OSMR: variants seen among roughly 807,000 people sequenced by gnomAD.
OSMR encodes the protein oncostatin M receptor, also known as oncostatin-M-specific receptor subunit beta.
Under a neutral mutation model 99.9 loss-of-function variants are expected in OSMR, and 81 were observed. The ratio of observed to expected loss-of-function variants is 0.81; its 90% CI spans 0.68 to 0.97. The LOEUF (loss-of-function observed/expected upper bound fraction) is 0.97, where lower values mean the gene tolerates loss of function less well. Ranked by LOEUF, OSMR falls within the 50% of genes least tolerant of loss-of-function variation. OSMR has a pLI of 0.00. For missense variants in OSMR, 1,099 were observed against 1,153.4 expected (o/e 0.95, Z 0.68); for synonymous variants, 406 against 410.4 (o/e 0.99, Z 0.13).
rs374861159 is a variant in OSMR, at chr5:38,870,330, C to CTTT, written c.73+1230_73+1232dup. Among the ~76,000 whole-genome samples, 53 of 115,118 alleles carry CTTT rather than the reference C, an allele frequency of 4.6e-4. 2 individuals carry two copies. Among genetic ancestry groups the CTTT allele is most frequent in the African/African-American group, 1.3e-3 (38 of 29,642 alleles). 75.5% of individuals were successfully genotyped at this position (115,118 alleles called of 152,430 possible). ...CAAACCATATAATAAGAATGATTTT[C>CTTT]TTTTTTTTTTTTTTTTTTTGAGACA... On this transcript the variant is annotated intron_variant, in intron 2 of 17. Coordinates refer to ENST00000274276, the MANE Select transcript of OSMR (RefSeq NM_003999.3).
In OSMR at chr5:38,933,588, T is replaced by C; in HGVS notation, c.*144T>C. The stretch of plus-strand genomic sequence containing the variant: ...ATAAGACCACTACAGTCTGGCTAGG[T>C]TAAAGGCCAGAGGCTATGGAACTTA... On this transcript the variant is annotated 3_prime_UTR_variant, in exon 18 of 18. Transcript: ENST00000274276. The C allele has an allele frequency of 1.1e-6, 1 of 886,346 alleles. No homozygotes were observed. The highest frequency in any genetic ancestry group is 2.2e-4 in the Middle Eastern group (1 of 4,476). The allele number at this position is 886,346 out of a possible 1,614,324, so 54.9% of individuals were successfully genotyped here.
chr5:38,930,283 G>T (rs556952248), intron 15 of OSMR, among the ~76,000 whole-genome samples: 1 of 152,110 alleles, frequency 6.6e-6, no homozygotes, highest in South Asian at 2.1e-4. Flanking sequence ...CCTTTTCCAG[G>T]GTCAGGGTTA....
chr5:38,925,149 A>C, intron 14 of OSMR, 55 bp from the exon 15 acceptor site: 4 of 1,609,664 alleles, frequency 2.5e-6, no homozygotes, highest in Non-Finnish European at 3.4e-6. Flanking sequence ...TGTTTACAAC[A>C]CTTTTAATAA....
Position 38,926,322 on chromosome 5 carries a change from G to A in OSMR, c.2212+951G>A, listed in dbSNP as rs140771037. Reference sequence around the variant, plus strand: ...GCCCTGACTGGTGATTCAGATACACGTGGCTGCAGTGGCAGTGTATTAGTC... The same window carrying A: ...GCCCTGACTGGTGATTCAGATACACATGGCTGCAGTGGCAGTGTATTAGTC... On this transcript the variant is annotated intron_variant, in intron 15 of 17. Coordinates refer to ENST00000274276, the MANE Select transcript of OSMR (RefSeq NM_003999.3). Among the ~76,000 whole-genome samples, 341 of 152,300 alleles carry A rather than the reference G, an allele frequency of 2.2e-3. 1 individual carries two copies. Among genetic ancestry groups the A allele is most frequent in the African/African-American group, 7.7e-3 (320 of 41,568 alleles).
rs1272701605 is a variant in OSMR at position 38,919,363 on chromosome 5, A to C, written c.1585+301A>C. 4 of 1,354,262 alleles carry C rather than the reference A, an allele frequency of 3.0e-6. No homozygotes were observed. In the African/African-American group the frequency reaches 5.8e-5, roughly 20 times the overall value. The allele number at this position is 1,354,262 out of a possible 1,614,324, so 83.9% of individuals were successfully genotyped here. The stretch of plus-strand genomic sequence containing the variant: ...ACTGCAACCCTAACAAACAGTCACC[A>C]CTGAGAGTTGGAGTTACTATTTATG... On this transcript the variant is annotated intron_variant, in intron 11 of 17. Coordinates refer to ENST00000274276, the MANE Select transcript of OSMR (RefSeq NM_003999.3).
downstream of OSMR, chr5:38,940,248 T>G: frequency 4.4e-6 from 1 of 229,872 alleles, no homozygotes; most frequent in Non-Finnish European, 8.6e-6. Flanking sequence ...GGAGGGGGTG[T>G]GTGTGTGTGT....
intron 1 of OSMR, among the ~76,000 whole-genome samples, chr5:38,854,295 G>A (rs77281158): frequency 0.018 from 2,722 of 152,250 alleles, 71 homozygotes; most frequent in African/African-American, 0.054. Context: ...GCTTCTCATG[G>A]GCATTATTTG....
intron 7 of OSMR, among the ~76,000 whole-genome samples, chr5:38,890,043 TTG>T (rs1380802730): frequency 6.6e-6 from 1 of 152,246 alleles, no homozygotes; most frequent in Non-Finnish European, 1.5e-5. Context: ...ATGAATTAAT[TTG>T]TGTTTCAAAT....
At chr5:38,846,898 CT>C (rs1739881659) in intron 1 of OSMR, among the ~76,000 whole-genome samples, 2 of 152,336 alleles carry the variant, frequency 1.3e-5, no homozygotes, top group African/African-American at 4.8e-5. Context: ...GGCTTTACCC[CT>C]GACACCGCGA....
chr5:38,868,532 T>C (rs1742121241), intron 1 of OSMR, among the ~76,000 whole-genome samples: 1 of 152,222 alleles, frequency 6.6e-6, no homozygotes, highest in Non-Finnish European at 1.5e-5. Flanking sequence ...CTGATGGGCT[T>C]ATCAAGGTTT....
chr5:38,902,069 C>T (rs972674046), intron 7 of OSMR, among the ~76,000 whole-genome samples: 9 of 152,128 alleles, frequency 5.9e-5, no homozygotes, highest in Non-Finnish European at 1.3e-4. Flanking sequence ...GAGCCTTTTG[C>T]GACCAGCCAA....
chr5:38,862,235 G>A lies in OSMR; in HGVS notation c.-13-6797G>A, dbSNP rs867289349. ...CACCTCCCGGACGGGGCGGCTGGCT[G>A]GGCGGGGGGCTGACCCCCTACCTCC... On this transcript the variant is annotated intron_variant, in intron 1 of 17. Transcript: ENST00000274276. Among the ~76,000 whole-genome samples, 43 of 115,142 alleles carry A rather than the reference G, an allele frequency of 3.7e-4. 2 individuals are homozygous for A. Among genetic ancestry groups the A allele is most frequent in the Admixed American group, 3.1e-4 (4 of 12,750 alleles). The allele number at this position is 115,142 out of a possible 152,430, so 75.5% of individuals were successfully genotyped here.
chr5:38,903,162 G>A (rs890848941), intron 7 of OSMR, among the ~76,000 whole-genome samples: 9 of 152,202 alleles, frequency 5.9e-5, no homozygotes, highest in Non-Finnish European at 1.0e-4. Context: ...AACTGTCCGA[G>A]TCCAGTGAGA....
intron 15 of OSMR, among the ~76,000 whole-genome samples, chr5:38,930,670 G>A (rs2112695856): frequency 6.6e-6 from 1 of 152,302 alleles, no homozygotes; most frequent in East Asian, 1.9e-4. Flanking sequence ...TCTAATAACA[G>A]AGAGATACTC....
In OSMR at chr5:38,876,249, C is replaced by T. The variant is rs1055499566; in HGVS notation, c.122C>T (p.Thr41Ile). ...PLTPVSLKVS[T>I]NSTRQSLHLQ... ...ACTCCTGTATCACTTAAAGTTTCCA[C>T]CAATTCTACGCGTCAGAGTTTGCAC... The change falls in exon 3 of 18, where the codon ACC (threonine) becomes ATC (isoleucine). Residue 41 changes from threonine (T) to isoleucine (I), a missense_variant. By Grantham distance (89) the Thr-to-Ile change is moderately conservative. Transcript: ENST00000274276. The T allele has an allele frequency of 1.2e-6, 2 of 1,613,814 alleles. No homozygotes were observed. Among genetic ancestry groups the T allele is most frequent in the Non-Finnish European group, 1.7e-6 (2 of 1,179,814 alleles).
chr5:38,888,328 G>A lies in OSMR; in HGVS notation c.991+2138G>A, dbSNP rs1017312265. 8.6e-5 allele frequency among the ~76,000 whole-genome samples: 13 copies of A among 152,014 alleles called. No individual in the cohort carries two copies. The East Asian group carries it at 2.3e-3, about 27-fold the overall frequency. Reference sequence around the variant, plus strand: ...CTGCCATGTTGCTAGGCACATGTTGGGGCAAGGAAGAAGGCGGCCCGAATT... The same window carrying A: ...CTGCCATGTTGCTAGGCACATGTTGAGGCAAGGAAGAAGGCGGCCCGAATT... On this transcript the variant is annotated intron_variant, in intron 7 of 17. Coordinates refer to ENST00000274276, the MANE Select transcript of OSMR (RefSeq NM_003999.3).
At chr5:38,888,259 T>C (rs1054490872) in intron 7 of OSMR, among the ~76,000 whole-genome samples, 5 of 152,142 alleles carry the variant, frequency 3.3e-5, no homozygotes, top group African/African-American at 7.2e-5. Context: ...AATATGCAAA[T>C]GCAGGGCACC....
intron 1 of OSMR, among the ~76,000 whole-genome samples, chr5:38,866,337 C>A (rs1423685204): frequency 6.6e-6 from 1 of 152,070 alleles, no homozygotes; most frequent in Non-Finnish European, 1.5e-5. Flanking sequence ...TGGTCCCCAG[C>A]CCCCCTAAAA....
intron 12 of OSMR, 82 bp from the exon 13 acceptor site, chr5:38,923,068 G>GTCATGCCT: frequency 6.4e-7 from 1 of 1,566,872 alleles, no homozygotes; most frequent in Non-Finnish European, 8.7e-7. Flanking sequence ...GAGCCAACGT[G>GTCATGCCT]TCATGCCTTT....
Sources: allele counts gnomAD v4.1 joint callset (sites outside exome capture counted in the v4.1 genomes callset), GRCh38; gene constraint gnomAD v4.1.1; transcripts MANE v1.5; gene names NCBI Gene and HGNC (gene_info 2026-07-23, HGNC 2026-07-21).